The following UBE2E2 variants were observed in gnomAD, a reference collection of about 807,000 sequenced individuals.
UBE2E2 encodes ubiquitin-conjugating enzyme E2 E2.
Under a neutral mutation model 24.7 loss-of-function variants are expected in UBE2E2, and 6 were observed. That is an observed-to-expected ratio of 0.24 (90% CI 0.13 to 0.48). The LOEUF is 0.48. Among genes scored for constraint, UBE2E2 ranks in the 20% least tolerant of loss-of-function variants. The pLI is 0.99. For missense variants in UBE2E2, 169 were observed against 245.0 expected, an observed-to-expected ratio of 0.69 and a Z score of 2.07; for synonymous variants, 104 against 83.6, an observed-to-expected ratio of 1.24 and a Z score of -1.33.
At chr3:23,503,482 G>A (rs537858665) in intron 4 of UBE2E2, among the ~76,000 whole-genome samples, 4 of 151,906 alleles carry the variant, frequency 2.6e-5, no homozygotes, top group Non-Finnish European at 4.4e-5. Context: ...GAGCCACCAC[G>A]CCCGGCCAGA....
At chr3:23,251,290 C>T (rs1308014846) in intron 3 of UBE2E2, among the ~76,000 whole-genome samples, 1 of 152,188 alleles carries the variant, frequency 6.6e-6, no homozygotes, top group Non-Finnish European at 1.5e-5. Flanking sequence ...TCCATGACCT[C>T]CTCCCAACGC....
intron 3 of UBE2E2, among the ~76,000 whole-genome samples, chr3:23,260,954 T>G (rs992891764): frequency 2.0e-5 from 3 of 151,948 alleles, no homozygotes; most frequent in African/African-American, 4.8e-5. Flanking sequence ...AATACAAAAA[T>G]TACCTGGGCG....
chr3:23,570,642 A>G (rs1281809264), intron 5 of UBE2E2, among the ~76,000 whole-genome samples: 1 of 152,120 alleles, frequency 6.6e-6, no homozygotes. Context: ...TATTTGCCAA[A>G]CTCTTTCCTG....
intron 3 of UBE2E2, among the ~76,000 whole-genome samples, chr3:23,283,015 T>C (rs1698523514): frequency 6.6e-6 from 1 of 152,048 alleles, no homozygotes; most frequent in Non-Finnish European, 1.5e-5. Flanking sequence ...CTTTAGGAAA[T>C]TGATAGAAAC....
chr3:23,479,515 C>T lies in UBE2E2; in HGVS notation c.228-20093C>T, dbSNP rs148457627. On this transcript the variant is annotated intron_variant, in intron 3 of 5. Transcript: ENST00000396703. ...GCCGTAGCTCTTCTCTCTTTCTCTTCACCCACAAGATGGTGAGTTGGGGGG... is the reference window on the plus strand; with the variant it reads ...GCCGTAGCTCTTCTCTCTTTCTCTTTACCCACAAGATGGTGAGTTGGGGGG... Among the ~76,000 whole-genome samples the T allele has an allele frequency of 7.9e-5, 12 of 152,282 alleles. No individual in the cohort carries two copies. In the East Asian group the frequency reaches 2.1e-3, roughly 27 times the overall value.
intron 3 of UBE2E2, among the ~76,000 whole-genome samples, chr3:23,378,035 T>C (rs1696565578): frequency 6.6e-6 from 1 of 152,074 alleles, no homozygotes; most frequent in Non-Finnish European, 1.5e-5. Flanking sequence ...TAATTATTCC[T>C]TCCATAATAT....
At chr3:23,573,622 G>C (rs988262959) in intron 5 of UBE2E2, among the ~76,000 whole-genome samples, 5 of 152,102 alleles carry the variant, frequency 3.3e-5, no homozygotes, top group Admixed American at 2.0e-4. Flanking sequence ...TTATTTTCAA[G>C]AACTTAATGT....
chr3:23,266,477 T>C (rs1041080309), intron 3 of UBE2E2, among the ~76,000 whole-genome samples: 1 of 152,164 alleles, frequency 6.6e-6, no homozygotes, highest in Admixed American at 6.5e-5. Context: ...GCCCCCCCTC[T>C]CTTCTGGCTT....
At chr3:23,575,530 C>G (rs574717901) in intron 5 of UBE2E2, among the ~76,000 whole-genome samples, 1 of 151,826 alleles carries the variant, frequency 6.6e-6, no homozygotes, top group Non-Finnish European at 1.5e-5. Context: ...AGAAGAAATA[C>G]AAATGGTGAA....
intron 5 of UBE2E2, among the ~76,000 whole-genome samples, 174 bp downstream of exon 5, chr3:23,532,875 GT>G (rs1216603455): frequency 1.3e-5 from 2 of 152,014 alleles, no homozygotes; most frequent in East Asian, 3.9e-4. Flanking sequence ...TCTCATTAGT[GT>G]TTTTAAGACC....
chr3:23,226,257 T>C (rs1696823473), intron 3 of UBE2E2, among the ~76,000 whole-genome samples: 1 of 150,834 alleles, frequency 6.6e-6, no homozygotes, highest in Non-Finnish European at 1.5e-5. Flanking sequence ...TTTGAAATTA[T>C]AGAATAGGAA....
At chr3:23,572,174 C>T (rs1289704489) in intron 5 of UBE2E2, among the ~76,000 whole-genome samples, 2 of 152,056 alleles carry the variant, frequency 1.3e-5, no homozygotes, top group South Asian at 2.1e-4. Context: ...TGGAAATGAT[C>T]GTTTTTCTCC....
At chr3:23,365,882 C>T (rs1160843692) in intron 3 of UBE2E2, among the ~76,000 whole-genome samples, 1 of 152,050 alleles carries the variant, frequency 6.6e-6, no homozygotes, top group Non-Finnish European at 1.5e-5. Flanking sequence ...GCTACGATAA[C>T]CAAAAAAGCA....
chr3:23,500,811 GGA>G (rs1699705080), intron 4 of UBE2E2, among the ~76,000 whole-genome samples: 1 of 152,152 alleles, frequency 6.6e-6, no homozygotes, highest in South Asian at 2.1e-4. Context: ...AGGAAACCAA[GGA>G]CAGAGGAACT....
At chr3:23,480,392 A>G (rs1355176967) in intron 3 of UBE2E2, among the ~76,000 whole-genome samples, 4 of 152,332 alleles carry the variant, frequency 2.6e-5, no homozygotes, top group Middle Eastern at 3.4e-3. Context: ...TAGGCCCCCA[A>G]GAGTGCAGGG....
chr3:23,284,397 G>A (rs143604038), intron 3 of UBE2E2, among the ~76,000 whole-genome samples: 291 of 152,162 alleles, frequency 1.9e-3, no homozygotes, highest in Non-Finnish European at 3.1e-3. Flanking sequence ...CTAAAATAAC[G>A]TAAGGTGATC....
chr3:23,334,850 T>A (rs1367099224), intron 3 of UBE2E2, among the ~76,000 whole-genome samples: 2 of 152,238 alleles, frequency 1.3e-5, no homozygotes, highest in Non-Finnish European at 2.9e-5. Flanking sequence ...CTTATATTGA[T>A]CAGCTATTGA....
chr3:23,329,138 T>C (rs1221200751), intron 3 of UBE2E2, among the ~76,000 whole-genome samples: 4 of 152,220 alleles, frequency 2.6e-5, no homozygotes, highest in African/African-American at 9.6e-5. Flanking sequence ...AGTGAAAAGA[T>C]GAGAATTCTC....
In UBE2E2 at chr3:23,383,650, T is replaced by C. The variant is rs183227508; in HGVS notation, c.228-115958T>C. On this transcript the variant is annotated intron_variant, in intron 3 of 5. Transcript: ENST00000396703. ...TACTGAGGTTTTTTTTGTTTTGTTT[T>C]GTTTTACAAGTGTTGGGGTGTAACT... Among the ~76,000 whole-genome samples, 176 of 152,292 alleles carry C rather than the reference T, an allele frequency of 1.2e-3. 2 individuals are homozygous for C. Among genetic ancestry groups the C allele is most frequent in the African/African-American group, 4.1e-3 (169 of 41,562 alleles).
Sources: allele counts gnomAD v4.1 joint callset (sites outside exome capture counted in the v4.1 genomes callset), GRCh38; gene constraint gnomAD v4.1.1; transcripts MANE v1.5; gene names NCBI Gene and HGNC (gene_info 2026-07-23, HGNC 2026-07-21).